FARSB: variants seen among roughly 807,000 people sequenced by gnomAD.
FARSB encodes the protein phenylalanyl-tRNA synthetase subunit beta, also known as phenylalanine--tRNA ligase beta subunit.
In FARSB, 40 loss-of-function variants were observed where a neutral mutation model predicts 69.6. The observed-to-expected ratio is 0.57, with a 90% CI of 0.45 to 0.75. The LOEUF is 0.75. FARSB is among the 30% of genes least tolerant of loss of function. The pLI, the probability that FARSB is intolerant of heterozygous loss-of-function variation, is 0.00. For synonymous variants in FARSB, 235 were observed against 247.2 expected (o/e 0.95, Z 0.46); for missense variants, 632 against 722.9 (o/e 0.87, Z 1.44).
chr2:222,607,081 T>A (rs1024800018), intron 15 of FARSB, among the ~76,000 whole-genome samples: 6 of 152,168 alleles, frequency 3.9e-5, no homozygotes, highest in African/African-American at 1.4e-4. Context: ...ATTTTATACA[T>A]CTCCTGAAGA....
chr2:222,645,241 C>T (rs1306471685), intron 2 of FARSB, among the ~76,000 whole-genome samples: 2 of 152,112 alleles, frequency 1.3e-5, no homozygotes, highest in African/African-American at 4.8e-5. Flanking sequence ...AAGTAATTGT[C>T]CATAGTTACA....
rs1380263634 is a variant in FARSB, at chr2:222,572,033, G to C, written c.1619-11C>G. 4 of 1,603,960 alleles carry C rather than the reference G, an allele frequency of 2.5e-6. No homozygotes were observed. Among genetic ancestry groups the C allele is most frequent in the Middle Eastern group, 1.7e-4 (1 of 5,890 alleles). Reference sequence around the variant, plus strand: ...GGAAGAAAGCAGGCCCTGAAAAAGAGAAAGTAAGAGAAAAATCAATGTTTC... The same window carrying C: ...GGAAGAAAGCAGGCCCTGAAAAAGACAAAGTAAGAGAAAAATCAATGTTTC... On this transcript the variant is annotated splice_polypyrimidine_tract_variant and intron_variant, in intron 16 of 16. Coordinates refer to ENST00000281828, the MANE Select transcript of FARSB (RefSeq NM_005687.5).
At chr2:222,600,976 G>A (rs1690541000) in intron 15 of FARSB, among the ~76,000 whole-genome samples, 1 of 152,186 alleles carries the variant, frequency 6.6e-6, no homozygotes, top group African/African-American at 2.4e-5. Context: ...GCTACCACAT[G>A]GGTGAATCTT....
rs776561743 is a variant in FARSB at position 222,656,059 on chromosome 2, G to A, written c.15C>T (p.Ser5=). 3 of 1,596,354 alleles carry A rather than the reference G, an allele frequency of 1.9e-6. No individual in the cohort carries two copies. The highest frequency in any genetic ancestry group is 2.6e-6 in the Non-Finnish European group (3 of 1,172,904). The change falls in exon 1 of 17, where the codon AGC becomes AGT. Residue 5 remains serine (S), a synonymous_variant. Transcript: ENST00000281828. ...CTTGGAAGAGCAGATCACGCTTCAC[G>A]CTGACAGTCGGCATGGTGTGTCGAA... The part of the protein sequence containing the change: MPTV[S]VKRDLLFQAL...
intron 16 of FARSB, among the ~76,000 whole-genome samples, chr2:222,587,717 A>G (rs1690156101): frequency 6.6e-6 from 1 of 152,234 alleles, no homozygotes; most frequent in Non-Finnish European, 1.5e-5. Context: ...CCATCAGAGA[A>G]TACTATAAAT....
intron 16 of FARSB, among the ~76,000 whole-genome samples, chr2:222,592,769 A>G (rs1690308501): frequency 6.6e-6 from 1 of 151,790 alleles, no homozygotes; most frequent in Admixed American, 6.6e-5. Context: ...ATGTAAATAC[A>G]GTAGTCTCCA....
intron 16 of FARSB, among the ~76,000 whole-genome samples, chr2:222,575,841 G>A (rs1252784502): frequency 6.6e-6 from 1 of 152,118 alleles, no homozygotes; most frequent in East Asian, 1.9e-4. Context: ...AGGACCTTGG[G>A]GGTAATTCCT....
At chr2:222,619,846 A>T in intron 13 of FARSB, 109 bp from the exon 14 acceptor site, 1 of 596,032 alleles carries the variant, frequency 1.7e-6, no homozygotes, top group East Asian at 2.8e-5. Flanking sequence ...TTCTCTACAC[A>T]TATCAGCAAG....
At chr2:222,596,557 A>G (rs566955511) in intron 16 of FARSB, among the ~76,000 whole-genome samples, 1 of 152,202 alleles carries the variant, frequency 6.6e-6, no homozygotes, top group Non-Finnish European at 1.5e-5. Context: ...TGCCAGAGTA[A>G]TATCAGACAA....
chr2:222,589,143 T>A (rs1020137826), intron 16 of FARSB, among the ~76,000 whole-genome samples: 14 of 152,282 alleles, frequency 9.2e-5, no homozygotes, highest in African/African-American at 3.1e-4. Flanking sequence ...CAAAACAGCA[T>A]GGTACTGTTA....
rs976436389 is a variant in FARSB, at chr2:222,571,943, A to G, written c.1698T>C (p.Pro566=). The G allele has an allele frequency of 6.2e-7, 1 of 1,613,884 alleles. No individual in the cohort carries two copies. Among genetic ancestry groups the G allele is most frequent in the Non-Finnish European group, 8.5e-7 (1 of 1,179,884 alleles). Residue 566 remains proline, a synonymous_variant, in exon 17 of 17, where the codon CCT becomes CCC. Transcript: ENST00000281828. ...QSVGKLGVLH[P]DVITKFELTM... Reference sequence around the variant, plus strand: ...TCAGCTCAAATTTGGTGATAACGTCAGGATGAAGGACCCCAAGCTTCCCGA... The same window carrying G: ...TCAGCTCAAATTTGGTGATAACGTCGGGATGAAGGACCCCAAGCTTCCCGA...
chr2:222,618,515 A>C (rs1378313410), intron 14 of FARSB, among the ~76,000 whole-genome samples: 2 of 152,212 alleles, frequency 1.3e-5, no homozygotes, highest in Non-Finnish European at 2.9e-5. Flanking sequence ...ACAGACTTGC[A>C]TATGCAAGAG....
chr2:222,594,743 C>T (rs1690366820), intron 16 of FARSB, among the ~76,000 whole-genome samples: 1 of 152,172 alleles, frequency 6.6e-6, no homozygotes, highest in Non-Finnish European at 1.5e-5. Context: ...GGACTTTATT[C>T]CAATTTGCTA....
chr2:222,621,443 G>A (rs994225075), intron 13 of FARSB, among the ~76,000 whole-genome samples: 5 of 152,108 alleles, frequency 3.3e-5, no homozygotes, highest in Non-Finnish European at 7.4e-5. Flanking sequence ...CACTGGTCTC[G>A]AACTTGTAGC....
At chr2:222,651,092 A>C (rs1692025483) in intron 1 of FARSB, among the ~76,000 whole-genome samples, 1 of 152,214 alleles carries the variant, frequency 6.6e-6, no homozygotes, top group South Asian at 2.1e-4. Context: ...CTCAAGAAAG[A>C]AGCCTCATAG....
At chr2:222,583,122 G>A (rs1174731811) in intron 16 of FARSB, among the ~76,000 whole-genome samples, 1 of 152,000 alleles carries the variant, frequency 6.6e-6, no homozygotes, top group African/African-American at 2.4e-5. Flanking sequence ...CAGCTTCAAG[G>A]GACTCCTGCT....
chr2:222,623,989 C>T (rs183813613), intron 12 of FARSB, among the ~76,000 whole-genome samples: 91 of 152,258 alleles, frequency 6.0e-4, no homozygotes, highest in Admixed American at 2.7e-3. Context: ...CCACACACAG[C>T]TTCTGCCTTC....
chr2:222,646,308 G>T (rs2106242094), intron 2 of FARSB, among the ~76,000 whole-genome samples: 1 of 151,012 alleles, frequency 6.6e-6, no homozygotes, highest in African/African-American at 2.4e-5. Flanking sequence ...TTAGAACCCA[G>T]AACAGCTGGG....
intron 1 of FARSB, among the ~76,000 whole-genome samples, chr2:222,655,266 A>G (rs1306920962): frequency 6.6e-6 from 1 of 151,832 alleles, no homozygotes; most frequent in Non-Finnish European, 1.5e-5. Flanking sequence ...TGCATTTAAT[A>G]TCTCCCTCCT....
Sources: allele counts gnomAD v4.1 joint callset (sites outside exome capture counted in the v4.1 genomes callset), GRCh38; gene constraint gnomAD v4.1.1; transcripts MANE v1.5; gene names NCBI Gene and HGNC (gene_info 2026-07-23, HGNC 2026-07-21).